Variants in FREM1 observed in about 807,000 individuals in gnomAD.
FREM1 encodes FRAS1-related extracellular matrix protein 1.
A neutral mutation model predicts 210.1 loss-of-function variants in FREM1; 220 were observed. That is an observed-to-expected ratio of 1.05 (90% confidence interval 0.94 to 1.17). The LOEUF (loss-of-function observed/expected upper bound fraction) is 1.17. FREM1 is among the 50% of genes most tolerant of loss of function. The pLI is 0.00. For missense variants in FREM1, 3,454 were observed against 2,675.5 expected (o/e 1.29, Z -6.42); for synonymous variants, 1,189 against 980.2 (o/e 1.21, Z -3.98).
intron 1 of FREM1, among the ~76,000 whole-genome samples, chr9:14,888,026 G>T (rs779927437): frequency 1.3e-5 from 2 of 152,130 alleles, no homozygotes; most frequent in East Asian, 3.9e-4. Context: ...TCAAACTCTT[G>T]ACCTCAAGTG....
At chr9:14,870,055 T>C (rs925193760) in intron 1 of FREM1, among the ~76,000 whole-genome samples, 1 of 152,214 alleles carries the variant, frequency 6.6e-6, no homozygotes, top group Non-Finnish European at 1.5e-5. Flanking sequence ...TTATCTAAAG[T>C]AAAATGCACT....
Position 14,746,917 on chromosome 9 carries a change from T to C in FREM1, c.6138+6A>G. ...AAGGTGCTTGGCTGCTCAGCCTGCC[T>C]CCTACCTTGGTTTGGGGACTCCAGG... is the stretch of plus-strand genomic sequence containing the variant. On this transcript the variant is annotated splice_donor_region_variant and intron_variant, in intron 34 of 36. Transcript: ENST00000380880. The C allele has an allele frequency of 6.2e-7, 1 of 1,612,280 alleles. No individual in the cohort carries two copies. Among genetic ancestry groups the C allele is most frequent in the Non-Finnish European group, 8.5e-7 (1 of 1,179,514 alleles).
In FREM1 at chr9:14,789,109, C is replaced by A; in HGVS notation, c.3987G>T (p.Gly1329=). 6.3e-7 allele frequency: 1 copy of A among 1,582,336 alleles called. No homozygotes were observed. The highest frequency in any genetic ancestry group is 8.6e-7 in the Non-Finnish European group (1 of 1,162,806). The change falls in exon 23 of 37, where the codon GGG becomes GGT. Residue 1329 remains glycine, a synonymous_variant. Transcript: ENST00000380880. ...CAGGGGAGAGAGGAACCCAGTCCCT[C>A]CCTATCTGGAAGGAGCCAGAGTTAG... The part of the protein sequence containing the change: ...PQNGQLQLKI[G]RDWVPLSPGM...
At chr9:14,809,897 T>C (rs1007773376) in intron 16 of FREM1, among the ~76,000 whole-genome samples, 2 of 152,076 alleles carry the variant, frequency 1.3e-5, no homozygotes, top group African/African-American at 2.4e-5. Flanking sequence ...TATGTATGTA[T>C]GTATGTATGT....
chr9:14,885,837 T>A (rs535722809), intron 1 of FREM1, among the ~76,000 whole-genome samples: 25 of 152,296 alleles, frequency 1.6e-4, no homozygotes, highest in Admixed American at 7.2e-4. Flanking sequence ...ACCTTACATA[T>A]CTTCTTTTTA....
In FREM1 at chr9:14,860,844, C is replaced by CATATATACGTATATATACACAT. The variant is rs1564102429; in HGVS notation, c.330-1382_330-1361dup. Among the ~76,000 whole-genome samples the CATATATACGTATATATACACAT allele has an allele frequency of 8.5e-5, 8 of 93,582 alleles. 1 individual carries two copies. The highest frequency in any genetic ancestry group is 1.3e-4 in the Non-Finnish European group (7 of 53,964). 61.4% of individuals were successfully genotyped at this position (93,582 alleles called of 152,430 possible). A position where few individuals can be genotyped will look rare whatever the true frequency, so the allele number is the denominator to read the frequency against. On this transcript the variant is annotated intron_variant, in intron 3 of 36. Coordinates refer to ENST00000380880, the MANE Select transcript of FREM1 (RefSeq NM_001379081.2). ...ATATATACATATATACGTATATATA[C>CATATATACGTATATATACACAT]ATATATACGTATATATACACATATA...
chr9:14,831,505 G>T (rs1203972935), intron 10 of FREM1, among the ~76,000 whole-genome samples: 1 of 152,194 alleles, frequency 6.6e-6, no homozygotes, highest in Non-Finnish European at 1.5e-5. Flanking sequence ...CCACTGGCAG[G>T]AAAATGGCCA....
chr9:14,837,274 C>T (rs10810267), intron 10 of FREM1, among the ~76,000 whole-genome samples: 9,147 of 152,244 alleles, frequency 0.06, 485 homozygotes, highest in East Asian at 0.25. Context: ...CCACCTCCTC[C>T]AGCCTCTGCA....
At chr9:14,888,053 C>T (rs994883361) in intron 1 of FREM1, among the ~76,000 whole-genome samples, 7 of 152,196 alleles carry the variant, frequency 4.6e-5, no homozygotes, top group African/African-American at 1.7e-4. Context: ...CCTCCTCAGC[C>T]TCCCAAAGTG....
In FREM1 at chr9:14,812,996, C is replaced by G; in HGVS notation, c.2709G>C (p.Glu903Asp). 1 of 1,613,960 alleles carries G rather than the reference C, an allele frequency of 6.2e-7. No individual in the cohort carries two copies. Residue 903 changes from glutamate (E) to aspartate (D), a missense_variant, in exon 16 of 37, where the codon GAG becomes GAC. Transcript: ENST00000380880. ...ADLMPVMNCSEGGEVVITSEY... is the reference protein window; with the variant it reads ...ADLMPVMNCSDGGEVVITSEY... ...CAGAGGTGATGACCACCTCTCCTCC[C>G]TCTGAGCAATTCATGACAGGCATGA... is the stretch of plus-strand genomic sequence containing the variant.
chr9:14,897,424 G>A (rs930233344), intron 1 of FREM1, among the ~76,000 whole-genome samples: 1 of 152,026 alleles, frequency 6.6e-6, no homozygotes, highest in Non-Finnish European at 1.5e-5. Flanking sequence ...GGGGCCCAAA[G>A]AGGCTAAGTG....
intron 20 of FREM1, 23 bp from the exon 21 acceptor site, chr9:14,797,665 G>C (rs369875926): frequency 6.3e-7 from 1 of 1,594,934 alleles, no homozygotes; most frequent in Non-Finnish European, 8.6e-7. Context: ...AAAAAAATAA[G>C]TAAATCTTCC....
chr9:14,742,976 C>T (rs1841836425), intron 35 of FREM1, among the ~76,000 whole-genome samples: 1 of 152,022 alleles, frequency 6.6e-6, no homozygotes, highest in African/African-American at 2.4e-5. Flanking sequence ...ATTTCGCTTC[C>T]TTGAACCTCT....
chr9:14,837,294 G>C (rs1824814188), intron 10 of FREM1, among the ~76,000 whole-genome samples: 1 of 152,108 alleles, frequency 6.6e-6, no homozygotes, highest in Non-Finnish European at 1.5e-5. Context: ...ATATATACCT[G>C]GCTGGTGTCC....
chr9:14,790,236 C>T (rs1451627468), intron 22 of FREM1, among the ~76,000 whole-genome samples: 5 of 152,070 alleles, frequency 3.3e-5, no homozygotes, highest in African/African-American at 1.2e-4. Context: ...CAGTTCCTGG[C>T]AAAAGAGCTT....
intron 35 of FREM1, among the ~76,000 whole-genome samples, chr9:14,744,305 A>G (rs1407229683): frequency 6.6e-6 from 1 of 152,114 alleles, no homozygotes; most frequent in Admixed American, 6.5e-5. Context: ...CAATTTGATG[A>G]ATTTTGCCAA....
intron 1 of FREM1, among the ~76,000 whole-genome samples, chr9:14,884,869 C>CA (rs1835481788): frequency 6.6e-6 from 1 of 151,650 alleles, no homozygotes; most frequent in Non-Finnish European, 1.5e-5. Context: ...TGCCTTCCCC[C>CA]TCCTATGCCC....
In FREM1 at chr9:14,842,488, C is replaced by G. The variant is rs372878782; in HGVS notation, c.1566G>C (p.Pro522=). The G allele has an allele frequency of 6.8e-6, 11 of 1,613,864 alleles. No homozygotes were observed. The highest frequency in any genetic ancestry group is 8.5e-6 in the Non-Finnish European group (10 of 1,179,880). The change falls in exon 9 of 37, where the codon CCG becomes CCC. Residue 522 remains proline (P), a synonymous_variant. Coordinates refer to ENST00000380880, the MANE Select transcript of FREM1 (RefSeq NM_001379081.2). The part of the protein sequence containing the change: ...INVLPKDDSP[P]FLITNVVIEL... ...CAATCACAACATTGGTTATGAGGAACGGGGGACTATCATCTTTGGGCAAGA... is the reference window on the plus strand; with the variant it reads ...CAATCACAACATTGGTTATGAGGAAGGGGGGACTATCATCTTTGGGCAAGA...
intron 24 of FREM1, among the ~76,000 whole-genome samples, chr9:14,780,808 T>C (rs1265049969): frequency 2.0e-5 from 3 of 152,196 alleles, no homozygotes; most frequent in Admixed American, 1.3e-4. Flanking sequence ...ATTGGTTGCA[T>C]ATATTTAATT....
Sources: gnomAD v4.1 joint callset for allele counts (sites outside exome capture counted in the v4.1 genomes callset) on GRCh38, gnomAD v4.1.1 for gene constraint, MANE v1.5 for transcripts, NCBI Gene and HGNC (gene_info 2026-07-23, HGNC 2026-07-21) for gene names.